Variants in PCCA observed in about 807,000 individuals in gnomAD.
The protein encoded by PCCA is propionyl-CoA carboxylase subunit alpha.
In PCCA, 74 loss-of-function variants were observed where a neutral mutation model predicts 101.3. The ratio of observed to expected loss-of-function variants is 0.73; its 90% CI spans 0.61 to 0.89. PCCA has a LOEUF of 0.89. Ranked by LOEUF, PCCA falls within the 40% of genes least tolerant of loss-of-function variation. The pLI, the probability that PCCA is intolerant of heterozygous loss-of-function variation, is 0.00. For synonymous variants in PCCA, 294 were observed against 313.6 expected (o/e 0.94, Z 0.66); for missense variants, 891 against 907.0 (o/e 0.98, Z 0.23).
intron 19 of PCCA, among the ~76,000 whole-genome samples, chr13:100,378,512 A>G (rs2076051783): frequency 6.6e-6 from 1 of 152,132 alleles, no homozygotes; most frequent in Admixed American, 6.6e-5. Context: ...TATGTCCTTA[A>G]ATAGAGTTTC....
At chr13:100,251,235 T>C (rs1044243864) in intron 8 of PCCA, among the ~76,000 whole-genome samples, 1 of 152,202 alleles carries the variant, frequency 6.6e-6, no homozygotes, top group Non-Finnish European at 1.5e-5. Context: ...GTTGTGCTCT[T>C]ACACATAGAT....
intron 22 of PCCA, among the ~76,000 whole-genome samples, chr13:100,526,368 G>A (rs779656813): frequency 3.9e-5 from 6 of 152,226 alleles, no homozygotes; most frequent in Admixed American, 6.5e-5. Context: ...TCTCTCCTCC[G>A]TGCCAGCGCC....
chr13:100,246,143 C>T (rs1266831888), intron 8 of PCCA, among the ~76,000 whole-genome samples: 23 of 152,130 alleles, frequency 1.5e-4, no homozygotes, highest in Admixed American at 1.5e-3. Flanking sequence ...GACAAGTCAG[C>T]TTTTGGTTGA....
chr13:100,149,161 G>GT (rs2052971311), intron 4 of PCCA: 1 of 100,022 alleles, frequency 1.0e-5, no homozygotes, highest in African/African-American at 4.1e-5. Context: ...CTGGTTGTTT[G>GT]ATTTTTTTTT....
intron 6 of PCCA, among the ~76,000 whole-genome samples, chr13:100,177,876 TG>T (rs1389985649): frequency 6.6e-6 from 1 of 152,168 alleles, no homozygotes. Flanking sequence ...ATATAAAGTA[TG>T]TCTTTAAAAA....
chr13:100,184,174 G>C (rs901175643), intron 6 of PCCA, among the ~76,000 whole-genome samples: 1 of 152,078 alleles, frequency 6.6e-6, no homozygotes, highest in African/African-American at 2.4e-5. Flanking sequence ...GAGAGAGAGG[G>C]GGAAGGTTAT....
chr13:100,341,860 A>C (rs544703752), intron 18 of PCCA, among the ~76,000 whole-genome samples: 10 of 151,574 alleles, frequency 6.6e-5, no homozygotes, highest in African/African-American at 2.4e-4. Flanking sequence ...TGTGTGGAAG[A>C]ATCTGAAAAG....
intron 21 of PCCA, among the ~76,000 whole-genome samples, chr13:100,513,048 C>A (rs1041780618): frequency 2.6e-5 from 4 of 152,230 alleles, no homozygotes; most frequent in Admixed American, 6.5e-5. Flanking sequence ...ACGGTTCTCA[C>A]CAGGCAGTTC....
chr13:100,286,670 G>T (rs1320876673), intron 12 of PCCA, among the ~76,000 whole-genome samples: 1 of 151,372 alleles, frequency 6.6e-6, no homozygotes, highest in Non-Finnish European at 1.5e-5. Context: ...ATGTGTCTTG[G>T]CTTAGTTGTT....
chr13:100,494,500 A>G (rs1295565893), intron 21 of PCCA, among the ~76,000 whole-genome samples: 1 of 151,686 alleles, frequency 6.6e-6, no homozygotes, highest in African/African-American at 2.4e-5. Flanking sequence ...CCTGACCAAC[A>G]TGGAGAAACC....
At chr13:100,201,349 A>G (rs2058475057) in intron 6 of PCCA, among the ~76,000 whole-genome samples, 1 of 152,080 alleles carries the variant, frequency 6.6e-6, no homozygotes, top group South Asian at 2.1e-4. Flanking sequence ...GAGGGGAAAT[A>G]TTTTTGGCTT....
intron 17 of PCCA, among the ~76,000 whole-genome samples, chr13:100,332,057 G>C (rs1212880381): frequency 3.3e-5 from 5 of 150,594 alleles, no homozygotes; most frequent in African/African-American, 1.2e-4. Flanking sequence ...TCCTGCCGCA[G>C]CGTCCCAAGT....
intron 20 of PCCA, among the ~76,000 whole-genome samples, chr13:100,444,432 T>A: frequency 1.3e-3 from 1 of 766 alleles, no homozygotes; most frequent in East Asian, 0.05. Flanking sequence ...TTGAACAACC[T>A]TTTTTTTTTT....
chr13:100,097,893 A>C (rs1031359592), intron 1 of PCCA, among the ~76,000 whole-genome samples: 1 of 152,148 alleles, frequency 6.6e-6, no homozygotes, highest in Non-Finnish European at 1.5e-5. Context: ...GCATGGTGAC[A>C]TGCATCCATA....
At chr13:100,383,675 C>A (rs1319931831) in intron 19 of PCCA, among the ~76,000 whole-genome samples, 1 of 151,868 alleles carries the variant, frequency 6.6e-6, no homozygotes, top group East Asian at 1.9e-4. Context: ...GTTTGTGCTA[C>A]ATTTTGTTTT....
At chr13:100,096,358 C>T (rs999524772) in intron 1 of PCCA, among the ~76,000 whole-genome samples, 3 of 152,120 alleles carry the variant, frequency 2.0e-5, no homozygotes, top group African/African-American at 7.2e-5. Context: ...GAACCACGCC[C>T]ATATAAGTTG....
At chr13:100,237,359 C>T (rs946089129) in intron 8 of PCCA, 5 of 152,148 alleles carry the variant, frequency 3.3e-5, no homozygotes, top group African/African-American at 1.2e-4. Flanking sequence ...GGATTTAAGA[C>T]CAGACCATAG....
At chr13:100,307,547 C>T (rs562642919) in intron 15 of PCCA, among the ~76,000 whole-genome samples, 1 of 152,218 alleles carries the variant, frequency 6.6e-6, no homozygotes, top group Non-Finnish European at 1.5e-5. Flanking sequence ...TAACTCATTG[C>T]CATGAGAAGG....
intron 21 of PCCA, among the ~76,000 whole-genome samples, chr13:100,483,038 C>T (rs756047576): frequency 2.0e-4 from 30 of 152,036 alleles, no homozygotes; most frequent in Non-Finnish European, 3.8e-4. Context: ...ACATACTTGG[C>T]GTACTCCATA....
Sources: gnomAD v4.1 joint callset for allele counts (sites outside exome capture counted in the v4.1 genomes callset) on GRCh38, gnomAD v4.1.1 for gene constraint, MANE v1.5 for transcripts, NCBI Gene and HGNC (gene_info 2026-07-23, HGNC 2026-07-21) for gene names.